The following MTERF4 variants were observed in gnomAD, a reference collection of about 807,000 sequenced individuals.
MTERF4 encodes transcription termination factor 4, mitochondrial.
Under a neutral mutation model 22.5 loss-of-function variants are expected in MTERF4, and 17 were observed. The observed-to-expected ratio is 0.75, with a 90% CI of 0.52 to 1.13. The LOEUF (loss-of-function observed/expected upper bound fraction) is 1.13. Ranked by LOEUF, MTERF4 falls within the 50% of genes most tolerant of loss-of-function variation. The pLI, the probability that MTERF4 is intolerant of heterozygous loss-of-function variation, is 0.00. For synonymous variants in MTERF4, 165 were observed against 175.3 expected (o/e 0.94, Z 0.47); for missense variants, 420 against 466.8 (o/e 0.90, Z 0.92).
chr2:241,082,710 C>G (rs1427884528), downstream of MTERF4, among the ~76,000 whole-genome samples: 3 of 152,212 alleles, frequency 2.0e-5, no homozygotes, highest in African/African-American at 7.2e-5. Flanking sequence ...TCAGAGCCCC[C>G]TGGAAAAACA....
chr2:241,096,466 C>A lies in MTERF4; in HGVS notation c.706-28G>T. ...GGAAGACACAAACACACTTAGGAGT[C>A]CCAGATACAGAGTATTGAAACCTAT... On this transcript the variant is annotated intron_variant, in intron 3 of 3. Transcript: ENST00000391980. This position sits in a 1 kb window ranked among gnomAD's most constrained non-coding sequence, Gnocchi z 5.1. 6.2e-7 allele frequency: 1 copy of A among 1,607,154 alleles called. No individual in the cohort carries two copies. Among genetic ancestry groups the A allele is most frequent in the South Asian group, 1.1e-5 (1 of 90,844 alleles).
At chr2:241,054,088 T>C in the MTERF4 span, among the ~76,000 whole-genome samples, 1 of 151,856 alleles carries the variant, frequency 6.6e-6, no homozygotes, top group Non-Finnish European at 1.5e-5. Flanking sequence ...CGAAGGGTTC[T>C]GGGAACACCT....
chr2:241,080,758 G>A (rs1298648057), intron 4 of MTERF4, among the ~76,000 whole-genome samples: 1 of 152,224 alleles, frequency 6.6e-6, no homozygotes, highest in Non-Finnish European at 1.5e-5. Flanking sequence ...GCAACCTAGT[G>A]GGCAACTTTG....
chr2:241,084,284 C>T (rs983995364), downstream of MTERF4, among the ~76,000 whole-genome samples: 1 of 152,056 alleles, frequency 6.6e-6, no homozygotes, highest in African/African-American at 2.4e-5. Context: ...TTACAGGCGC[C>T]TGCCACCACA....
At chr2:241,094,125 T>C (rs2064229769), downstream of MTERF4, 1 of 358,934 alleles carries the variant, frequency 2.8e-6, no homozygotes, top group Non-Finnish European at 5.7e-6. The surrounding 1 kb of genome is among the most constrained non-coding windows in gnomAD (Gnocchi z 4.3). Flanking sequence ...CCAAACAGTT[T>C]TGCCTATGGC....
downstream of MTERF4, chr2:241,089,112 T>C: frequency 1.9e-6 from 1 of 526,388 alleles, no homozygotes; most frequent in Non-Finnish European, 3.3e-6. Flanking sequence ...ACACTGGCAT[T>C]CTTCACAATC....
At position 241,077,401 on chromosome 2, in the gene MTERF4, C is replaced by G. The variant is rs149018478; in HGVS notation, n.480-1719G>C. 4.7e-3 allele frequency among the ~76,000 whole-genome samples: 718 copies of G among 152,220 alleles called. 5 individuals carry two copies. Among genetic ancestry groups the G allele is most frequent in the Non-Finnish European group, 7.7e-3 (527 of 68,016 alleles). On this transcript the variant is annotated intron_variant and non_coding_transcript_variant, in intron 4 of 4. Coordinates refer to the MTERF4 transcript ENST00000464344. ...TCAACAATAAAAGTATGAGCAACAA[C>G]AAAAATCTATATATAAACTACTCTT...
the MTERF4 span, among the ~76,000 whole-genome samples, chr2:241,043,390 A>G: frequency 1.3e-5 from 2 of 152,206 alleles, no homozygotes; most frequent in African/African-American, 4.8e-5. Context: ...CCATCAACCT[A>G]GTGTACTGTA....
chr2:241,066,583 G>A, the MTERF4 span, among the ~76,000 whole-genome samples: 1 of 151,552 alleles, frequency 6.6e-6, no homozygotes, highest in Non-Finnish European at 1.5e-5. Context: ...CTCGAGGAAA[G>A]AGGAAAAGGT....
the MTERF4 span, chr2:241,064,783 G>A: frequency 9.6e-6 from 12 of 1,249,480 alleles, no homozygotes; most frequent in East Asian, 8.5e-5. The surrounding 1 kb of genome is among the most constrained non-coding windows in gnomAD (Gnocchi z 7.0). Flanking sequence ...AGCAAGGGCG[G>A]GGCTGGAGCA....
chr2:241,102,101 C>T, intron 1 of MTERF4, 152 bp downstream of exon 1: 1 of 987,872 alleles, frequency 1.0e-6, no homozygotes, highest in Non-Finnish European at 1.5e-6. Context: ...AGCAGAGCCA[C>T]GGGTCCAGGA....
At chr2:241,050,895 C>A in the MTERF4 span, among the ~76,000 whole-genome samples, 1 of 152,214 alleles carries the variant, frequency 6.6e-6, no homozygotes, top group African/African-American at 2.4e-5. Flanking sequence ...GTGTCCCTGC[C>A]CCAAAGGTTC....
At chr2:241,043,442 G>T in the MTERF4 span, among the ~76,000 whole-genome samples, 1 of 151,976 alleles carries the variant, frequency 6.6e-6, no homozygotes, top group South Asian at 2.1e-4. Flanking sequence ...CTGAAATAAA[G>T]ACTTTTTTAC....
downstream of MTERF4, among the ~76,000 whole-genome samples, chr2:241,068,446 C>T (rs1403325146): frequency 6.6e-6 from 1 of 151,972 alleles, no homozygotes; most frequent in African/African-American, 2.4e-5. The surrounding 1 kb of genome is among the most constrained non-coding windows in gnomAD (Gnocchi z 5.3). Flanking sequence ...GAATCGTGCT[C>T]AGCGCAGGCA....
chr2:241,102,116 A>C (rs1335903150), intron 1 of MTERF4, 137 bp downstream of exon 1: 1 of 1,249,548 alleles, frequency 8.0e-7, no homozygotes, highest in Admixed American at 2.1e-5. Flanking sequence ...CCAGGATGCC[A>C]AAACCAGGTC....
the MTERF4 span, among the ~76,000 whole-genome samples, chr2:241,064,347 C>A: frequency 4.9e-4 from 75 of 152,112 alleles, 1 homozygote; most frequent in Non-Finnish European, 7.2e-4. The surrounding 1 kb of genome is among the most constrained non-coding windows in gnomAD (Gnocchi z 7.0). Context: ...CTCCTGCGCT[C>A]ACCCCCCAGA....
At chr2:241,048,581 C>A in the MTERF4 span, 1 of 1,501,970 alleles carries the variant, frequency 6.7e-7, no homozygotes, top group Non-Finnish European at 9.0e-7. Flanking sequence ...GGAAGTTGGC[C>A]AGGAGCAGGG....
At chr2:241,089,985 C>T (rs1333486453), downstream of MTERF4, 1 of 1,548,434 alleles carries the variant, frequency 6.5e-7, no homozygotes, top group Non-Finnish European at 8.7e-7. Flanking sequence ...TATACCTGGG[C>T]AGGGCGCTTA....
At chr2:241,044,583 A>T in the MTERF4 span, among the ~76,000 whole-genome samples, 2 of 152,200 alleles carry the variant, frequency 1.3e-5, no homozygotes, top group African/African-American at 4.8e-5. Context: ...GCCAGGACTC[A>T]AAGCCACCTC....
Sources: allele counts gnomAD v4.1 joint callset (sites outside exome capture counted in the v4.1 genomes callset), GRCh38; gene constraint gnomAD v4.1.1; non-coding constraint Gnocchi (gnomAD v3.1); transcripts MANE v1.5; gene names NCBI Gene and HGNC (gene_info 2026-07-23, HGNC 2026-07-21).